DPYD: variants seen among roughly 807,000 people sequenced by gnomAD.
The protein encoded by DPYD is dihydropyrimidine dehydrogenase, also known as dihydropyrimidine dehydrogenase [NADP(+)].
In DPYD, 109 loss-of-function variants were observed where a neutral mutation model predicts 116.2. That is an observed-to-expected ratio of 0.94 (90% CI 0.80 to 1.10). DPYD has a LOEUF of 1.10. DPYD is among the 50% of genes least tolerant of loss of function. DPYD has a pLI of 0.00. For missense variants in DPYD, 1,302 were observed against 1,254.5 expected, an observed-to-expected ratio of 1.04 and a Z score of -0.57; for synonymous variants, 440 against 432.0, an observed-to-expected ratio of 1.02 and a Z score of -0.23.
At chr1:97,674,333 C>T (rs1487924397) in intron 8 of DPYD, among the ~76,000 whole-genome samples, 7 of 152,178 alleles carry the variant, frequency 4.6e-5, no homozygotes, top group Non-Finnish European at 1.0e-4. Context: ...ATTGATTTCA[C>T]TGCATTTTCC....
chr1:97,486,478 T>C lies in DPYD; in HGVS notation c.1740+29248A>G, dbSNP rs190802449. On this transcript the variant is annotated intron_variant, in intron 13 of 22. Transcript: ENST00000370192. Reference sequence around the variant, plus strand: ...GAAAAATAATACAGAACTTAAGCCATGGAGATTATGGGTAGAGAGTATAGA... The same window carrying C: ...GAAAAATAATACAGAACTTAAGCCACGGAGATTATGGGTAGAGAGTATAGA... Among the ~76,000 whole-genome samples the C allele has an allele frequency of 1.3e-3, 204 of 152,240 alleles. 2 individuals are homozygous for C. The highest frequency in any genetic ancestry group is 4.7e-3 in the African/African-American group (195 of 41,564).
chr1:97,837,778 C>T (rs1162967542), intron 2 of DPYD, among the ~76,000 whole-genome samples: 1 of 151,942 alleles, frequency 6.6e-6, no homozygotes, highest in Non-Finnish European at 1.5e-5. Context: ...AAACCAAATG[C>T]TTGAATGTGA....
intron 18 of DPYD, 124 bp downstream of exon 18, chr1:97,305,135 A>G (rs1667080685): frequency 2.2e-6 from 3 of 1,378,628 alleles, no homozygotes; most frequent in Non-Finnish European, 3.1e-6. Context: ...ACTATTAGGA[A>G]TATTGATCAG....
rs1163141188 is a variant in DPYD, at chr1:97,727,140, T to C, written c.322-5469A>G. On this transcript the variant is annotated intron_variant, in intron 4 of 22. Coordinates refer to ENST00000370192, the MANE Select transcript of DPYD (RefSeq NM_000110.4). ...TATGCTTCCTGATATCAAGATGCTT[T>C]AGCATCAGAGTAAGAAGTCATTTCA... Among the ~76,000 whole-genome samples the C allele has an allele frequency of 9.9e-5, 15 of 151,778 alleles. 1 individual carries two copies. The highest frequency in any genetic ancestry group is 1.5e-4 in the Non-Finnish European group (10 of 67,746).
intron 19 of DPYD, among the ~76,000 whole-genome samples, chr1:97,227,649 T>A (rs563449500): frequency 0.026 from 4,016 of 152,012 alleles, 182 homozygotes; most frequent in African/African-American, 0.092. Flanking sequence ...CAATTTGGTT[T>A]TCTCAGCACT....
intron 3 of DPYD, among the ~76,000 whole-genome samples, chr1:97,759,329 G>A (rs1665446256): frequency 6.6e-6 from 1 of 152,018 alleles, no homozygotes; most frequent in Non-Finnish European, 1.5e-5. Context: ...CATGTTTCTG[G>A]TTAATGCTTC....
chr1:97,579,373 G>T (rs1017336129), intron 10 of DPYD, among the ~76,000 whole-genome samples: 17 of 152,154 alleles, frequency 1.1e-4, no homozygotes, highest in Non-Finnish European at 1.9e-4. Flanking sequence ...TGAGTGAATG[G>T]CTATTAAACA....
intron 20 of DPYD, among the ~76,000 whole-genome samples, chr1:97,177,921 C>T (rs1352368297): frequency 1.3e-5 from 2 of 152,140 alleles, no homozygotes; most frequent in African/African-American, 4.8e-5. Flanking sequence ...TGCTTCCATA[C>T]AGATGGCAAC....
intron 13 of DPYD, among the ~76,000 whole-genome samples, chr1:97,493,893 C>CT (rs1373210603): frequency 6.6e-6 from 1 of 152,116 alleles, no homozygotes. Flanking sequence ...GCAAAAAACT[C>CT]TAACAAGATA....
intron 2 of DPYD, among the ~76,000 whole-genome samples, chr1:97,848,572 G>C (rs988930954): frequency 3.9e-5 from 6 of 152,128 alleles, no homozygotes; most frequent in Non-Finnish European, 7.4e-5. Context: ...AGATGTATTA[G>C]TTTTCTTTTA....
chr1:97,678,832 T>C (rs879660397), intron 8 of DPYD, among the ~76,000 whole-genome samples: 1 of 152,156 alleles, frequency 6.6e-6, no homozygotes, highest in Non-Finnish European at 1.5e-5. Flanking sequence ...ATTTTCTTCC[T>C]AGAGATTCTC....
intron 18 of DPYD, among the ~76,000 whole-genome samples, chr1:97,279,701 G>T (rs1665182733): frequency 6.6e-6 from 1 of 152,058 alleles, no homozygotes; most frequent in Non-Finnish European, 1.5e-5. Context: ...GTAGAGATGG[G>T]GTTTCACCAT....
At chr1:97,787,011 C>A (rs917462759) in intron 3 of DPYD, among the ~76,000 whole-genome samples, 2 of 152,220 alleles carry the variant, frequency 1.3e-5, no homozygotes, top group African/African-American at 2.4e-5. Flanking sequence ...GGAAAAAAAA[C>A]CACAGGTCAC....
intron 12 of DPYD, among the ~76,000 whole-genome samples, chr1:97,519,670 G>A (rs1025651767): frequency 6.6e-6 from 1 of 152,214 alleles, no homozygotes; most frequent in African/African-American, 2.4e-5. Flanking sequence ...GAAAACAAAA[G>A]CCAAAGGAGG....
intron 18 of DPYD, among the ~76,000 whole-genome samples, chr1:97,253,079 T>C (rs949796209): frequency 2.6e-5 from 4 of 152,176 alleles, no homozygotes; most frequent in Non-Finnish European, 5.9e-5. Flanking sequence ...AAACATATTA[T>C]GATTGCCAAA....
intron 7 of DPYD, among the ~76,000 whole-genome samples, chr1:97,686,636 CAAAAAAAAAAAAAA>C (rs1159274157): frequency 5.6e-3 from 56 of 10,064 alleles, no homozygotes; most frequent in Middle Eastern, 0.1. Context: ...GACTCTGTCT[CAAAAAAAAAAAAAA>C]AAAAAAAAAA....
At chr1:97,762,434 G>A (rs777141976) in intron 3 of DPYD, among the ~76,000 whole-genome samples, 8 of 152,116 alleles carry the variant, frequency 5.3e-5, no homozygotes, top group Admixed American at 2.0e-4. Context: ...ATGAGTAGCA[G>A]GTTATTGTCA....
At chr1:97,288,873 C>T (rs963950345) in intron 18 of DPYD, among the ~76,000 whole-genome samples, 7 of 151,866 alleles carry the variant, frequency 4.6e-5, no homozygotes, top group African/African-American at 1.7e-4. Context: ...ACAAAAAACC[C>T]TTCAAAAAAT....
chr1:97,489,723 T>G (rs972847246), intron 13 of DPYD, among the ~76,000 whole-genome samples: 1 of 152,206 alleles, frequency 6.6e-6, no homozygotes, highest in African/African-American at 2.4e-5. Flanking sequence ...ACTTGACACA[T>G]GCATGAACTC....
Sources: gnomAD v4.1 joint callset for allele counts (sites outside exome capture counted in the v4.1 genomes callset) on GRCh38, gnomAD v4.1.1 for gene constraint, MANE v1.5 for transcripts, NCBI Gene and HGNC (gene_info 2026-07-23, HGNC 2026-07-21) for gene names.